The following PRTG variants were observed in gnomAD, a reference collection of about 807,000 sequenced individuals.
The protein encoded by PRTG is protogenin, also known as immunoglobulin superfamily, DCC subclass, member 5.
In PRTG, 67 loss-of-function variants were observed where a neutral mutation model predicts 122.5. That is an observed-to-expected ratio of 0.55 (90% confidence interval 0.45 to 0.67). The LOEUF is 0.67. PRTG is among the 30% of genes least tolerant of loss of function. The pLI is 0.00. For synonymous variants in PRTG, 554 were observed against 501.1 expected (o/e 1.11, Z -1.41); for missense variants, 1,435 against 1,415.4 (o/e 1.01, Z -0.22).
At chr15:55,661,472 C>T (rs1480209195) in intron 11 of PRTG, among the ~76,000 whole-genome samples, 1 of 152,186 alleles carries the variant, frequency 6.6e-6, no homozygotes, top group African/African-American at 2.4e-5. Context: ...TCTTTTCAGT[C>T]AGGCATGTGG....
Position 55,743,008 on chromosome 15 carries a change from C to G in PRTG, c.-77G>C. 1 of 1,370,862 alleles carries G rather than the reference C, an allele frequency of 7.3e-7. No homozygotes were observed. Among genetic ancestry groups the G allele is most frequent in the Non-Finnish European group, 9.4e-7 (1 of 1,067,014 alleles). 84.9% of individuals were successfully genotyped at this position (1,370,862 alleles called of 1,614,324 possible). ...CTGCGGCCCCCGCCCCGGGCGCTCT[C>G]TGCTCTGCGGCTGGTCGCACGCAGC... On this transcript the variant is annotated 5_prime_UTR_variant, in exon 1 of 20. Coordinates refer to ENST00000389286, the MANE Select transcript of PRTG (RefSeq NM_173814.6).
intron 2 of PRTG, 83 bp from the exon 3 acceptor site, chr15:55,684,014 G>A: frequency 8.5e-7 from 1 of 1,174,794 alleles, no homozygotes; most frequent in Non-Finnish European, 1.2e-6. Flanking sequence ...ATTACTTATT[G>A]GACTTGAACC....
chr15:55,635,074 G>T (rs4238318), intron 15 of PRTG, among the ~76,000 whole-genome samples: 19,893 of 135,300 alleles, frequency 0.15, 1,661 homozygotes, highest in East Asian at 0.38. Flanking sequence ...GTTGGTTCTG[G>T]GTGTGTGTGT....
intron 2 of PRTG, among the ~76,000 whole-genome samples, chr15:55,687,524 T>C (rs1595651873): frequency 6.6e-6 from 1 of 152,326 alleles, no homozygotes; most frequent in East Asian, 1.9e-4. Flanking sequence ...TTTGAGCAGT[T>C]CCCCTTTTTT....
At position 55,683,858 on chromosome 15, in the gene PRTG, C is replaced by A. The variant is rs779731218; in HGVS notation, c.471G>T (p.Lys157Asn). 8 of 1,614,032 alleles carry A rather than the reference C, an allele frequency of 5.0e-6. No individual in the cohort carries two copies. In the Admixed American group the frequency reaches 6.7e-5, roughly 13 times the overall value. ...TGACTGCAGGAGGGTGGGATGAAATCTTGCATGCAAATCGAGCAACTCCAC... is the reference window on the plus strand; with the variant it reads ...TGACTGCAGGAGGGTGGGATGAAATATTGCATGCAAATCGAGCAACTCCAC... ...HEGGVARFAC[K>N]ISSHPPAVIT... The change falls in exon 3 of 20, where the codon AAG (lysine) becomes AAT (asparagine). Residue 157 changes from lysine (K) to asparagine (N), a missense_variant. Coordinates refer to ENST00000389286, the MANE Select transcript of PRTG (RefSeq NM_173814.6).
At chr15:55,627,866 A>T (rs1475404176) in intron 16 of PRTG, among the ~76,000 whole-genome samples, 2 of 151,992 alleles carry the variant, frequency 1.3e-5, no homozygotes, top group African/African-American at 4.8e-5. Flanking sequence ...GTCACTAGGG[A>T]TTATGTGGAA....
At chr15:55,675,729 A>G in intron 8 of PRTG, 46 bp from the exon 9 acceptor site, 1 of 1,276,418 alleles carries the variant, frequency 7.8e-7, no homozygotes, top group Non-Finnish European at 1.1e-6. Flanking sequence ...ATTCAAAATA[A>G]AATTAACAAG....
chr15:55,708,565 A>G (rs1411255146), intron 2 of PRTG, among the ~76,000 whole-genome samples: 1 of 152,084 alleles, frequency 6.6e-6, no homozygotes, highest in East Asian at 1.9e-4. Context: ...CCGAGATCAC[A>G]CCACTGCACT....
Position 55,619,764 on chromosome 15 carries a change from ACCCC to A in PRTG, c.*244_*247del, listed in dbSNP as rs1426340113. The A allele has an allele frequency of 6.1e-6, 3 of 489,926 alleles. No homozygotes were observed. The highest frequency in any genetic ancestry group is 1.0e-5 in the Non-Finnish European group (3 of 291,416). The allele number at this position is 489,926 out of a possible 1,614,324, so 30.3% of individuals were successfully genotyped here. The stretch of plus-strand genomic sequence containing the variant: ...AAACACATTCAAAAAAAGCTAAAAT[ACCCC>A]ATAAAGATATTAAGATTTTCACAAA... On this transcript the variant is annotated 3_prime_UTR_variant, in exon 20 of 20. Coordinates refer to ENST00000389286, the MANE Select transcript of PRTG (RefSeq NM_173814.6).
At chr15:55,686,398 CTTAGT>C (rs929521429) in intron 2 of PRTG, among the ~76,000 whole-genome samples, 64 of 152,110 alleles carry the variant, frequency 4.2e-4, no homozygotes, top group African/African-American at 1.5e-3. Flanking sequence ...AAATATCTTA[CTTAGT>C]TTAAATTTTT....
At chr15:55,688,780 G>T (rs2059584524) in intron 2 of PRTG, among the ~76,000 whole-genome samples, 1 of 152,216 alleles carries the variant, frequency 6.6e-6, no homozygotes, top group African/African-American at 2.4e-5. Context: ...GTTGCAGTGA[G>T]CTGAGATCGT....
At chr15:55,670,172 G>C (rs2141789924) in intron 11 of PRTG, among the ~76,000 whole-genome samples, 1 of 152,134 alleles carries the variant, frequency 6.6e-6, no homozygotes, top group South Asian at 2.1e-4. Context: ...ATATGTATCT[G>C]TAGAAAATTT....
chr15:55,646,135 T>A (rs1158683820), intron 11 of PRTG, among the ~76,000 whole-genome samples: 6 of 151,106 alleles, frequency 4.0e-5, no homozygotes, highest in Admixed American at 4.0e-4. Context: ...GCCTCCTAAG[T>A]AGCTGGGAGT....
intron 2 of PRTG, among the ~76,000 whole-genome samples, chr15:55,696,272 A>G (rs2059631662): frequency 6.6e-6 from 1 of 152,164 alleles, no homozygotes; most frequent in Non-Finnish European, 1.5e-5. Flanking sequence ...TAAAAAAAGA[A>G]CACGGGGAAA....
chr15:55,731,366 CTTT>C (rs10658460), intron 2 of PRTG, among the ~76,000 whole-genome samples: 5 of 103,778 alleles, frequency 4.8e-5, no homozygotes, highest in Admixed American at 1.1e-4. Flanking sequence ...CCTTATCATT[CTTT>C]TTTTTTTTTT....
chr15:55,714,690 C>A (rs1405869181), intron 2 of PRTG, among the ~76,000 whole-genome samples: 1 of 152,172 alleles, frequency 6.6e-6, no homozygotes, highest in Non-Finnish European at 1.5e-5. Context: ...CCACTCAACT[C>A]TCTTAACCAC....
intron 2 of PRTG, among the ~76,000 whole-genome samples, chr15:55,694,011 A>C (rs994280122): frequency 3.3e-5 from 5 of 152,230 alleles, no homozygotes; most frequent in Non-Finnish European, 5.9e-5. Flanking sequence ...AGCCAAACTT[A>C]GGTAGCTTTT....
chr15:55,647,584 T>C (rs982127039), intron 11 of PRTG, among the ~76,000 whole-genome samples: 2 of 152,202 alleles, frequency 1.3e-5, no homozygotes, highest in Non-Finnish European at 2.9e-5. Context: ...TGATAGGGAT[T>C]TTAAGAATAT....
chr15:55,732,856 T>C (rs1458707936), intron 2 of PRTG, among the ~76,000 whole-genome samples: 2 of 152,218 alleles, frequency 1.3e-5, no homozygotes, highest in African/African-American at 2.4e-5. Flanking sequence ...GGAAAAGCAC[T>C]GTCACTCCAA....
Sources: gnomAD v4.1 joint callset for allele counts (sites outside exome capture counted in the v4.1 genomes callset) on GRCh38, gnomAD v4.1.1 for gene constraint, MANE v1.5 for transcripts, NCBI Gene and HGNC (gene_info 2026-07-23, HGNC 2026-07-21) for gene names.